The following RBFOX2 variants were observed in gnomAD, a reference collection of about 807,000 sequenced individuals.
RBFOX2 encodes the protein RNA binding protein fox-1 homolog 2.
In RBFOX2, 10 loss-of-function variants were observed where a neutral mutation model predicts 49.1. The ratio of observed to expected loss-of-function variants is 0.20; its 90% CI spans 0.13 to 0.35. The LOEUF (loss-of-function observed/expected upper bound fraction) is 0.35. RBFOX2 is among the 10% of genes least tolerant of loss of function. The pLI is 1.00. For missense variants in RBFOX2, 323 were observed against 486.9 expected (o/e 0.66, Z 3.17); for synonymous variants, 183 against 187.4 (o/e 0.98, Z 0.19).
At chr22:35,758,220 GAT>G (rs1937538068) in intron 9 of RBFOX2, among the ~76,000 whole-genome samples, 1 of 152,114 alleles carries the variant, frequency 6.6e-6, no homozygotes, top group Admixed American at 6.5e-5. Flanking sequence ...CACAGAAATT[GAT>G]ATGATTAGAC....
intron 1 of RBFOX2, chr22:35,994,363 A>G (rs1224837949): frequency 6.6e-6 from 1 of 151,626 alleles, no homozygotes; most frequent in Non-Finnish European, 1.5e-5. Flanking sequence ...TTTTACATTG[A>G]GTGCATCCTT....
chr22:35,741,146 G>C (rs1307654168), exon 12 of RBFOX2: 1 of 152,246 alleles, frequency 6.6e-6, no homozygotes, highest in African/African-American at 2.4e-5. Context: ...AATTGAACTA[G>C]GTGACATGAG....
chr22:35,802,356 C>T (rs1322827995), intron 2 of RBFOX2, among the ~76,000 whole-genome samples: 1 of 152,170 alleles, frequency 6.6e-6, no homozygotes, highest in Non-Finnish European at 1.5e-5. Flanking sequence ...GGTCAGTGAA[C>T]TGTTTCCTCA....
At chr22:35,906,594 G>A (rs2049149456) in intron 1 of RBFOX2, among the ~76,000 whole-genome samples, 1 of 152,200 alleles carries the variant, frequency 6.6e-6, no homozygotes, top group Admixed American at 6.5e-5. Flanking sequence ...GCTGAGGCAG[G>A]CAGATCTCTT....
rs976375425 is a variant in RBFOX2 at position 35,978,193 on chromosome 22, G to C, written c.187-39296C>G. Among the ~76,000 whole-genome samples the C allele has an allele frequency of 4.6e-5, 7 of 152,282 alleles. No homozygotes were observed. In the East Asian group the frequency reaches 5.8e-4, roughly 13 times the overall value. ...ACTGGAGAATATATTTACAAATATG[G>C]AAAGAGGTTGGCTGCATTTAATGGA... On this transcript the variant is annotated intron_variant, in intron 1 of 13. Transcript: ENST00000438146.
intron 1 of RBFOX2, among the ~76,000 whole-genome samples, chr22:36,019,443 T>C (rs1818770718): frequency 6.6e-6 from 1 of 152,224 alleles, no homozygotes; most frequent in African/African-American, 2.4e-5. Context: ...AGGAAGTTAG[T>C]GAGTGCTGTA....
chr22:35,756,022 A>G (rs1262886665), intron 9 of RBFOX2, 83 bp downstream of exon 11: 2 of 1,071,376 alleles, frequency 1.9e-6, no homozygotes, highest in African/African-American at 1.7e-5. Context: ...AAGGAAAAAA[A>G]CCAAACCAAA....
intron 1 of RBFOX2, among the ~76,000 whole-genome samples, chr22:35,891,016 T>C (rs779386107): frequency 6.6e-6 from 1 of 152,118 alleles, no homozygotes; most frequent in Non-Finnish European, 1.5e-5. Context: ...CATAAAAGGA[T>C]TTCACTTATG....
chr22:35,801,447 A>ACTCTCT (rs533761207), intron 2 of RBFOX2, among the ~76,000 whole-genome samples: 1 of 117,800 alleles, frequency 8.5e-6, no homozygotes, highest in Non-Finnish European at 1.7e-5. Context: ...ACACACACAC[A>ACTCTCT]CTCTCTCTCT....
rs375088964 is a variant in RBFOX2, at chr22:35,977,722, CTATATATATATATA to C, written c.187-38839_187-38826del. 2.9e-3 allele frequency among the ~76,000 whole-genome samples: 237 copies of C among 80,874 alleles called. 1 individual carries two copies. Among genetic ancestry groups the C allele is most frequent in the Non-Finnish European group, 3.7e-3 (156 of 42,044 alleles). The allele number at this position is 80,874 out of a possible 152,430, so 53.1% of individuals were successfully genotyped here. On this transcript the variant is annotated intron_variant, in intron 1 of 13. Coordinates refer to the RBFOX2 transcript ENST00000438146. Reference sequence around the variant, plus strand: ...TGCATGTAAATTATACCTGAATGAACTATATATATATATATATATATATATATATATATATATAT... The same window carrying C: ...TGCATGTAAATTATACCTGAATGAACTATATATATATATATATATATATAT...
chr22:35,979,272 T>C lies in RBFOX2; in HGVS notation c.187-40375A>G, dbSNP rs143694235. The stretch of plus-strand genomic sequence containing the variant: ...CAGGCTGAAGAGGTCTGAGGCGACA[T>C]GCAACTAAATGCAACGCATATTCCT... On this transcript the variant is annotated intron_variant, in intron 1 of 13. Coordinates refer to the RBFOX2 transcript ENST00000438146. Among the ~76,000 whole-genome samples, 61 of 152,278 alleles carry C rather than the reference T, an allele frequency of 4.0e-4. No homozygotes were observed. The East Asian group carries it at 0.011, about 28-fold the overall frequency.
chr22:35,803,194 AAAAT>A (rs1014743343), intron 2 of RBFOX2, among the ~76,000 whole-genome samples: 2 of 151,850 alleles, frequency 1.3e-5, no homozygotes, highest in African/African-American at 2.4e-5. Context: ...CCATCACAGA[AAAAT>A]AAATAACACC....
At chr22:35,960,961 T>TAA (rs370831996) in intron 1 of RBFOX2, among the ~76,000 whole-genome samples, 7 of 145,342 alleles carry the variant, frequency 4.8e-5, no homozygotes, top group Admixed American at 1.4e-4. Context: ...TATATTTGTT[T>TAA]AAAAAAAAAA....
chr22:35,898,204 C>G (rs564838671), intron 1 of RBFOX2: 2 of 755,312 alleles, frequency 2.6e-6, no homozygotes, highest in Non-Finnish European at 4.9e-6. Context: ...GACAACACAT[C>G]GGCCCAGGAA....
chr22:36,002,677 G>T (rs1410420470), intron 1 of RBFOX2, among the ~76,000 whole-genome samples: 1 of 152,252 alleles, frequency 6.6e-6, no homozygotes, highest in African/African-American at 2.4e-5. Context: ...AAGCTCAAGT[G>T]CAATGGCACG....
At chr22:35,830,412 G>A (rs759332564) in intron 1 of RBFOX2, among the ~76,000 whole-genome samples, 76 of 152,194 alleles carry the variant, frequency 5.0e-4, no homozygotes, top group Admixed American at 5.2e-4. Context: ...TCATGTGGGA[G>A]AAAAATGCAT....
Position 35,760,028 on chromosome 22 carries a change from G to A in RBFOX2, c.755-8C>T, listed in dbSNP as rs1938211055. On this transcript the variant is annotated splice_region_variant and splice_polypyrimidine_tract_variant and intron_variant, in intron 8 of 11. Transcript: ENST00000405409. ...GGTAAGGGAAGCCAGGAACTAAAGG[G>A]AGACCCAAAATATGACAGAAATTTC... 3 of 1,613,548 alleles carry A rather than the reference G, an allele frequency of 1.9e-6. No homozygotes were observed. The highest frequency in any genetic ancestry group is 2.5e-6 in the Non-Finnish European group (3 of 1,179,998).
At chr22:35,990,138 G>T (rs145868806) in intron 1 of RBFOX2, among the ~76,000 whole-genome samples, 1 of 152,214 alleles carries the variant, frequency 6.6e-6, no homozygotes, top group Non-Finnish European at 1.5e-5. Context: ...AGCAGAGATC[G>T]TGCCACTGCA....
At chr22:35,838,589 C>G (rs1958128207) in intron 1 of RBFOX2, among the ~76,000 whole-genome samples, 1 of 152,194 alleles carries the variant, frequency 6.6e-6, no homozygotes, top group Non-Finnish European at 1.5e-5. Context: ...TTTACTTGGA[C>G]CTCTGCCTCA....
Sources: gnomAD v4.1 joint callset for allele counts (sites outside exome capture counted in the v4.1 genomes callset) on GRCh38, gnomAD v4.1.1 for gene constraint, MANE v1.5 for transcripts, NCBI Gene and HGNC (gene_info 2026-07-23, HGNC 2026-07-21) for gene names.